Variants in KCNQ5 observed in about 807,000 individuals in gnomAD.
The protein encoded by KCNQ5 is potassium voltage-gated channel subfamily KQT member 5.
KCNQ5 carries 30 observed loss-of-function variants against 98.2 expected under a neutral mutation model. The ratio of observed to expected loss-of-function variants is 0.31; its 90% CI spans 0.23 to 0.41. The LOEUF (loss-of-function observed/expected upper bound fraction) is 0.41. KCNQ5 is among the 10% of genes least tolerant of loss of function. The pLI, the probability that KCNQ5 is intolerant of heterozygous loss-of-function variation, is 1.00. For synonymous variants in KCNQ5, 458 were observed against 449.4 expected, an observed-to-expected ratio of 1.02 and a Z score of -0.24; for missense variants, 835 against 1,182.5, an observed-to-expected ratio of 0.71 and a Z score of 4.31.
chr6:72,681,514 T>C (rs1355463069), intron 1 of KCNQ5, among the ~76,000 whole-genome samples: 2 of 152,160 alleles, frequency 1.3e-5, no homozygotes, highest in Non-Finnish European at 2.9e-5. Flanking sequence ...ATCCAAAGTC[T>C]CTCTCTTTGA....
At chr6:72,947,663 A>G (rs1766610276) in intron 1 of KCNQ5, among the ~76,000 whole-genome samples, 1 of 152,172 alleles carries the variant, frequency 6.6e-6, no homozygotes, top group South Asian at 2.1e-4. Context: ...AAAGGCAGAA[A>G]AAAAGTTGAC....
chr6:73,030,879 T>C (rs1294475426), intron 2 of KCNQ5, among the ~76,000 whole-genome samples: 1 of 152,210 alleles, frequency 6.6e-6, no homozygotes, highest in Non-Finnish European at 1.5e-5. Context: ...ACAAGCAGAA[T>C]GTCTTCCCCA....
At chr6:72,834,237 A>C (rs1392251961) in intron 1 of KCNQ5, among the ~76,000 whole-genome samples, 1 of 152,146 alleles carries the variant, frequency 6.6e-6, no homozygotes, top group Non-Finnish European at 1.5e-5. Context: ...GAAAAAAAAG[A>C]CTTTCATTAA....
intron 7 of KCNQ5, among the ~76,000 whole-genome samples, chr6:73,115,661 A>G (rs1380938017): frequency 6.6e-6 from 1 of 152,236 alleles, no homozygotes; most frequent in East Asian, 1.9e-4. Flanking sequence ...CTAGAACTCT[A>G]TATCCAGCCA....
Position 73,118,361 on chromosome 6 carries a change from A to C in KCNQ5, c.1126-2122A>C, listed in dbSNP as rs544241116. ...GTAGCTATATGTACTATTGCCATAT[A>C]GTATTGTACTATGTAAATGGTGTCA... On this transcript the variant is annotated intron_variant, in intron 7 of 13. Transcript: ENST00000370398. Among the ~76,000 whole-genome samples the C allele has an allele frequency of 1.9e-3, 282 of 152,360 alleles. 1 individual carries two copies. Among genetic ancestry groups the C allele is most frequent in the Non-Finnish European group, 3.7e-3 (253 of 68,032 alleles).
intron 1 of KCNQ5, among the ~76,000 whole-genome samples, chr6:72,741,868 G>A (rs1771144873): frequency 6.6e-6 from 1 of 152,128 alleles, no homozygotes. Flanking sequence ...AGGAAACCTG[G>A]CAGTTGCTAG....
chr6:73,013,134 A>T (rs1208308197), intron 2 of KCNQ5, among the ~76,000 whole-genome samples: 1 of 152,088 alleles, frequency 6.6e-6, no homozygotes, highest in Non-Finnish European at 1.5e-5. Flanking sequence ...CACCGCAATC[A>T]CTGTTAATTA....
chr6:72,651,685 G>A (rs1407916136), intron 1 of KCNQ5, among the ~76,000 whole-genome samples: 6 of 151,854 alleles, frequency 4.0e-5, no homozygotes, highest in Non-Finnish European at 8.8e-5. Flanking sequence ...GAAAATAAAC[G>A]GCTGAGTATA....
At chr6:72,973,851 T>C (rs1582118272) in intron 1 of KCNQ5, among the ~76,000 whole-genome samples, 1 of 152,264 alleles carries the variant, frequency 6.6e-6, no homozygotes, top group Non-Finnish European at 1.5e-5. Context: ...TATCTGCCTT[T>C]ATTTTTCCTT....
Position 72,727,315 on chromosome 6 carries a change from T to C in KCNQ5, c.398+104728T>C, listed in dbSNP as rs1013989382. Among the ~76,000 whole-genome samples, 6 of 152,336 alleles carry C rather than the reference T, an allele frequency of 3.9e-5. No homozygotes were observed. In the East Asian group the frequency reaches 7.7e-4, roughly 20 times the overall value. ...TCAAGATTTATGAGGAAGTTAAAAA[T>C]GCAGAAAATGTCAAGCCCATCTCTG... On this transcript the variant is annotated intron_variant, in intron 1 of 13. Coordinates refer to ENST00000370398, the MANE Select transcript of KCNQ5 (RefSeq NM_019842.4).
At chr6:73,099,868 G>T (rs954575553) in intron 5 of KCNQ5, among the ~76,000 whole-genome samples, 1 of 152,136 alleles carries the variant, frequency 6.6e-6, no homozygotes, top group Non-Finnish European at 1.5e-5. Context: ...TCCAACAGCT[G>T]CAGAATACTC....
At chr6:73,146,310 C>T (rs7744386) in intron 10 of KCNQ5, among the ~76,000 whole-genome samples, 32,878 of 152,080 alleles carry the variant, frequency 0.22, 8,480 homozygotes, top group African/African-American at 0.61. Flanking sequence ...AGATGAAGTA[C>T]TGTTTTAGCT....
chr6:73,042,181 C>G (rs1402010437), intron 3 of KCNQ5, 119 bp downstream of exon 3: 4 of 1,152,990 alleles, frequency 3.5e-6, no homozygotes, highest in African/African-American at 1.5e-5. Context: ...TTATCATGGA[C>G]CGGGCACTCT....
intron 1 of KCNQ5, among the ~76,000 whole-genome samples, chr6:72,812,050 AC>A (rs887986603): frequency 6.6e-6 from 1 of 152,130 alleles, no homozygotes; most frequent in African/African-American, 2.4e-5. Context: ...GTATTTGTAA[AC>A]GGTCATGGGG....
chr6:73,081,348 A>G (rs1237514368), intron 5 of KCNQ5, among the ~76,000 whole-genome samples: 1 of 151,768 alleles, frequency 6.6e-6, no homozygotes, highest in Non-Finnish European at 1.5e-5. Flanking sequence ...TTCTATTGTT[A>G]TTTTTCTCAT....
chr6:72,673,119 G>A (rs765015578), intron 1 of KCNQ5, among the ~76,000 whole-genome samples: 6 of 152,146 alleles, frequency 3.9e-5, no homozygotes, highest in Non-Finnish European at 8.8e-5. Context: ...TGTGACAGCT[G>A]TCCCATTGCC....
chr6:72,890,753 T>C (rs978944219), intron 1 of KCNQ5, among the ~76,000 whole-genome samples: 5 of 152,208 alleles, frequency 3.3e-5, no homozygotes, highest in Admixed American at 1.3e-4. Context: ...AGTGACAAGC[T>C]TTGCAAAAGC....
At position 73,084,553 on chromosome 6, in the gene KCNQ5, G is replaced by T. The variant is rs551361239; in HGVS notation, c.918+6666G>T. Reference sequence around the variant, plus strand: ...GAGATGATGAGATACAATTGAATAAGTCATCTTCCCATGCCATGCCATCAG... The same window carrying T: ...GAGATGATGAGATACAATTGAATAATTCATCTTCCCATGCCATGCCATCAG... On this transcript the variant is annotated intron_variant, in intron 5 of 13. Coordinates refer to ENST00000370398, the MANE Select transcript of KCNQ5 (RefSeq NM_019842.4). Among the ~76,000 whole-genome samples, 14 of 152,278 alleles carry T rather than the reference G, an allele frequency of 9.2e-5. No homozygotes were observed. The South Asian group carries it at 2.9e-3, about 32-fold the overall frequency.
intron 1 of KCNQ5, among the ~76,000 whole-genome samples, chr6:72,884,564 G>A (rs1778778789): frequency 1.3e-5 from 2 of 152,080 alleles, no homozygotes; most frequent in Middle Eastern, 3.4e-3. Flanking sequence ...CTGAAACCAT[G>A]TATAGTGTTG....
Sources: allele counts gnomAD v4.1 joint callset (sites outside exome capture counted in the v4.1 genomes callset), GRCh38; gene constraint gnomAD v4.1.1; transcripts MANE v1.5; gene names NCBI Gene and HGNC (gene_info 2026-07-23, HGNC 2026-07-21).